C7: variants seen among roughly 807,000 people sequenced by gnomAD.
C7 encodes complement component C7.
A neutral mutation model predicts 104.8 loss-of-function variants in C7; 83 were observed. That is an observed-to-expected ratio of 0.79 (90% CI 0.66 to 0.95). The LOEUF (loss-of-function observed/expected upper bound fraction) is 0.95. Among genes scored for constraint, C7 ranks in the 40% least tolerant of loss-of-function variants. The pLI is 0.00. For synonymous variants in C7, 415 were observed against 360.6 expected (o/e 1.15, Z -1.71); for missense variants, 1,070 against 1,011.2 (o/e 1.06, Z -0.79).
intron 10 of C7, among the ~76,000 whole-genome samples, chr5:40,956,750 C>T (rs1054391443): frequency 6.6e-6 from 1 of 152,228 alleles, no homozygotes; most frequent in African/African-American, 2.4e-5. Context: ...CCTCCTAACA[C>T]CCATAAATTG....
chr5:40,962,032 A>G, intron 12 of C7, 53 bp from the exon 13 acceptor site: 1 of 929,706 alleles, frequency 1.1e-6, no homozygotes, highest in African/African-American at 1.7e-5. Context: ...AATGCAAAAT[A>G]ATTATTATAC....
intron 9 of C7, among the ~76,000 whole-genome samples, chr5:40,951,284 A>C (rs1240299519): frequency 6.6e-6 from 1 of 152,174 alleles, no homozygotes; most frequent in African/African-American, 2.4e-5. Context: ...TATCAGATGC[A>C]TAGTTTGCAA....
At chr5:40,916,267 A>G (rs1017332902) in intron 1 of C7, among the ~76,000 whole-genome samples, 4 of 152,222 alleles carry the variant, frequency 2.6e-5, no homozygotes, top group Non-Finnish European at 4.4e-5. Context: ...TTTGTAACCT[A>G]TCAGATCCTC....
In C7 at chr5:40,934,334, C is replaced by A; in HGVS notation, c.148C>A (p.Arg50=). Reference sequence around the variant, plus strand: ...CCTGCTTTGTGTTTAGACTCGCAGGCGGTCAGTTGCTGTGTATGGGCAGTA... The same window carrying A: ...CCTGCTTTGTGTTTAGACTCGCAGGAGGTCAGTTGCTGTGTATGGGCAGTA... ...NGCTKTQTRR[R]SVAVYGQYGG... is the part of the protein sequence containing the mutation. The change falls in exon 4 of 18, where the codon CGG becomes AGG. Residue 50 remains arginine, a synonymous_variant. Transcript: ENST00000313164. 2 of 1,592,566 alleles carry A rather than the reference C, an allele frequency of 1.3e-6. No individual in the cohort carries two copies. Among genetic ancestry groups the A allele is most frequent in the Non-Finnish European group, 1.7e-6 (2 of 1,168,404 alleles).
intron 1 of C7, among the ~76,000 whole-genome samples, chr5:40,925,652 G>A (rs4277953): frequency 0.23 from 34,499 of 151,970 alleles, 4,106 homozygotes; most frequent in East Asian, 0.32. Flanking sequence ...CTGAGGCTGG[G>A]TAATTTATAA....
rs762518227 is a variant in C7, at chr5:40,979,711, A to C, written c.2166-14A>C. 5 of 1,599,896 alleles carry C rather than the reference A, an allele frequency of 3.1e-6. No individual in the cohort carries two copies. The Admixed American group carries it at 8.5e-5, about 27-fold the overall frequency. On this transcript the variant is annotated splice_polypyrimidine_tract_variant and intron_variant, in intron 16 of 17. Coordinates refer to ENST00000313164, the MANE Select transcript of C7 (RefSeq NM_000587.4). ...AAAAATCTTGTAAATAATGTCATTA[A>C]AAATTCTTTTCAGACCTTCCTTGGA...
At chr5:40,979,457 C>A (rs922915471) in intron 16 of C7, among the ~76,000 whole-genome samples, 6 of 152,080 alleles carry the variant, frequency 3.9e-5, no homozygotes, top group Admixed American at 2.6e-4. Context: ...TGTACCTGGT[C>A]TGTTCTAGAT....
chr5:40,968,584 A>ATTT (rs1740613643), intron 14 of C7, among the ~76,000 whole-genome samples: 1 of 50,670 alleles, frequency 2.0e-5, no homozygotes, highest in African/African-American at 1.1e-4. Context: ...ATATATATAT[A>ATTT]TATATATATA....
At chr5:40,923,191 G>T (rs1365510239) in intron 1 of C7, among the ~76,000 whole-genome samples, 1 of 152,072 alleles carries the variant, frequency 6.6e-6, no homozygotes. Flanking sequence ...TTCAAAAGAA[G>T]ACATACAAAT....
chr5:40,941,349 C>T (rs935321253), intron 6 of C7, among the ~76,000 whole-genome samples: 9 of 152,126 alleles, frequency 5.9e-5, no homozygotes, highest in African/African-American at 2.2e-4. Flanking sequence ...CAAGCGTGAG[C>T]CACTGACCCT....
chr5:40,918,369 T>A (rs1739362147), intron 1 of C7, among the ~76,000 whole-genome samples: 2 of 151,528 alleles, frequency 1.3e-5, no homozygotes, highest in South Asian at 4.2e-4. Context: ...AAAAAAAGTA[T>A]CTACAATACC....
At chr5:40,920,899 C>A (rs572146024) in intron 1 of C7, among the ~76,000 whole-genome samples, 29 of 152,060 alleles carry the variant, frequency 1.9e-4, no homozygotes, top group African/African-American at 6.8e-4. Context: ...AAATACAAAA[C>A]TTCACTGGGC....
chr5:40,930,913 C>A, intron 2 of C7, 151 bp from the exon 3 acceptor site: 1 of 654,286 alleles, frequency 1.5e-6, no homozygotes, highest in Non-Finnish European at 2.7e-6. Flanking sequence ...GGGCTCCCTC[C>A]ATTTTTATAT....
chr5:40,943,548 C>A (rs190899961), intron 6 of C7, among the ~76,000 whole-genome samples: 1 of 147,874 alleles, frequency 6.8e-6, no homozygotes, highest in Middle Eastern at 3.6e-3. Context: ...TAAAGACAGG[C>A]GGAAATAGGC....
intron 1 of C7, among the ~76,000 whole-genome samples, chr5:40,922,759 G>A (rs1398633711): frequency 6.6e-6 from 1 of 151,138 alleles, no homozygotes; most frequent in Non-Finnish European, 1.5e-5. Context: ...ATGGTTTTGG[G>A]AAAACTGGGC....
At chr5:40,925,791 T>C (rs1406056797) in intron 1 of C7, among the ~76,000 whole-genome samples, 2 of 152,170 alleles carry the variant, frequency 1.3e-5, no homozygotes, top group Non-Finnish European at 2.9e-5. Flanking sequence ...AACAGGCAGG[T>C]CACATGGCAA....
At chr5:40,937,443 A>G in intron 5 of C7, 109 bp from the exon 6 acceptor site, 9 of 1,099,456 alleles carry the variant, frequency 8.2e-6, no homozygotes, top group Non-Finnish European at 1.2e-5. Flanking sequence ...AGTGTAATGC[A>G]TTTTAAGAAT....
intron 14 of C7, among the ~76,000 whole-genome samples, chr5:40,965,644 A>ATT (rs1187259916): frequency 1.4e-4 from 12 of 85,506 alleles, no homozygotes; most frequent in South Asian, 3.5e-4. Flanking sequence ...ATATATATAT[A>ATT]TATATTTTTT....
chr5:40,940,868 T>C (rs921915014), intron 6 of C7, among the ~76,000 whole-genome samples: 1 of 152,160 alleles, frequency 6.6e-6, no homozygotes, highest in Non-Finnish European at 1.5e-5. Context: ...AAGGTGGGAT[T>C]TGAACTTTAG....
Sources: gnomAD v4.1 joint callset for allele counts (sites outside exome capture counted in the v4.1 genomes callset) on GRCh38, gnomAD v4.1.1 for gene constraint, MANE v1.5 for transcripts, NCBI Gene and HGNC (gene_info 2026-07-23, HGNC 2026-07-21) for gene names.